NID2: variants seen among roughly 807,000 people sequenced by gnomAD.
The protein encoded by NID2 is nidogen-2.
Under a neutral mutation model 145.4 loss-of-function variants are expected in NID2, and 83 were observed. The observed-to-expected ratio is 0.57, with a 90% CI of 0.48 to 0.69. NID2 has a LOEUF of 0.69. Ranked by LOEUF, NID2 falls within the 30% of genes least tolerant of loss-of-function variation. The probability of loss-of-function intolerance (pLI) is 0.00; values close to 1 mark genes in which losing one functional copy is unlikely to be tolerated. For missense variants in NID2, 1,807 were observed against 1,765.7 expected (o/e 1.02, Z -0.42); for synonymous variants, 739 against 701.3 (o/e 1.05, Z -0.85).
At chr14:52,018,242 A>G (rs1891283407) in intron 14 of NID2, among the ~76,000 whole-genome samples, 1 of 152,248 alleles carries the variant, frequency 6.6e-6, no homozygotes, top group Non-Finnish European at 1.5e-5. Context: ...GGATCTTTGG[A>G]TAGCAAGCTG....
chr14:52,039,826 C>G (rs141357559), intron 8 of NID2, among the ~76,000 whole-genome samples: 238 of 152,352 alleles, frequency 1.6e-3, no homozygotes, highest in African/African-American at 5.3e-3. Flanking sequence ...AATACATTCT[C>G]AGATATTAAG....
intron 9 of NID2, among the ~76,000 whole-genome samples, chr14:52,031,406 T>C (rs947608511): frequency 3.3e-5 from 5 of 152,190 alleles, no homozygotes; most frequent in African/African-American, 1.2e-4. Context: ...TTCATCATTA[T>C]TTGAGGTTCT....
Position 52,069,000 on chromosome 14 carries a change from C to T in NID2, c.-6G>A, listed in dbSNP as rs896591888. ...GCCACCCGGTCCCCCTCCATGCTCG[C>T]TCGGCCGTGCGCTTACCCGCTGCAC... On this transcript the variant is annotated 5_prime_UTR_variant, in exon 1 of 22. Transcript: ENST00000216286. The T allele has an allele frequency of 4.4e-5, 71 of 1,603,626 alleles. No homozygotes were observed. The highest frequency in any genetic ancestry group is 6.0e-5 in the Non-Finnish European group (70 of 1,174,606).
At chr14:52,056,285 C>G (rs1233044488) in intron 3 of NID2, among the ~76,000 whole-genome samples, 1 of 151,924 alleles carries the variant, frequency 6.6e-6, no homozygotes, top group East Asian at 1.9e-4. Flanking sequence ...ATAAAATAAC[C>G]TTCTAATTAT....
intron 9 of NID2, 47 bp downstream of exon 9, chr14:52,038,700 C>CTTTT: frequency 1.4e-6 from 2 of 1,433,682 alleles, no homozygotes; most frequent in Non-Finnish European, 1.9e-6. Flanking sequence ...TCTAACTCTA[C>CTTTT]TTAAAAGGAT....
intron 5 of NID2, among the ~76,000 whole-genome samples, chr14:52,044,845 A>T (rs1463272242): frequency 4.6e-5 from 7 of 151,264 alleles, no homozygotes; most frequent in African/African-American, 1.7e-4. Flanking sequence ...CTCGGTCTCG[A>T]ACTCCTGGGC....
intron 5 of NID2, among the ~76,000 whole-genome samples, chr14:52,048,914 C>T (rs1346343016): frequency 6.6e-6 from 1 of 152,084 alleles, no homozygotes; most frequent in Non-Finnish European, 1.5e-5. Context: ...ACCAGGCTCC[C>T]AGCTGAGTGA....
At chr14:52,012,369 C>G (rs942822529) in intron 16 of NID2, among the ~76,000 whole-genome samples, 3 of 152,104 alleles carry the variant, frequency 2.0e-5, no homozygotes, top group Non-Finnish European at 4.4e-5. Context: ...GTTGGGAGGC[C>G]AAAGCAGGAG....
intron 2 of NID2, among the ~76,000 whole-genome samples, chr14:52,062,769 G>C (rs1369054088): frequency 6.6e-6 from 1 of 152,152 alleles, no homozygotes; most frequent in Non-Finnish European, 1.5e-5. Flanking sequence ...GTGAAGAGGA[G>C]AGTCTGACTT....
rs556592027 is a variant in NID2 at position 52,053,838 on chromosome 14, C to T, written c.1170G>A (p.Glu390=). Residue 390 remains glutamate (E), a synonymous_variant, in exon 5 of 22, where the codon GAG becomes GAA. Coordinates refer to ENST00000216286, the MANE Select transcript of NID2 (RefSeq NM_007361.4). ...CCTCTGGTGGAGCTGGGCTTCTGGT[C>T]TCTCTCTCATCCCAGGGCTCAACTT... ...KGQVEPWDER[E]TRSPAPPEVD... 5.0e-6 allele frequency: 8 copies of T among 1,614,158 alleles called. No individual in the cohort carries two copies. Among genetic ancestry groups the T allele is most frequent in the Non-Finnish European group, 6.8e-6 (8 of 1,180,024 alleles).
At chr14:52,040,903 A>G (rs1892258259) in intron 7 of NID2, 52 bp from the exon 8 acceptor site, 1 of 1,546,388 alleles carries the variant, frequency 6.5e-7, no homozygotes, top group African/African-American at 1.4e-5. Flanking sequence ...TTGCTTAAAC[A>G]GTTACCAGTA....
intron 9 of NID2, among the ~76,000 whole-genome samples, chr14:52,036,641 G>A (rs756025053): frequency 5.3e-5 from 8 of 152,240 alleles, no homozygotes; most frequent in African/African-American, 1.9e-4. Flanking sequence ...TGAGGGTTCC[G>A]AATTTTCCAT....
At chr14:52,031,238 T>G (rs1566756471) in intron 9 of NID2, among the ~76,000 whole-genome samples, 1 of 152,214 alleles carries the variant, frequency 6.6e-6, no homozygotes, top group Non-Finnish European at 1.5e-5. Context: ...CTTCTGAGTC[T>G]GCCATGTAAA....
intron 9 of NID2, among the ~76,000 whole-genome samples, chr14:52,030,568 G>GAAAGAAA (rs1555363723): frequency 0.023 from 850 of 37,708 alleles, 49 homozygotes; most frequent in Non-Finnish European, 0.034. Context: ...AAGAAAGAAA[G>GAAAGAAA]GAAGGAAGGG....
In NID2 at chr14:52,005,748, T is replaced by C. The variant is rs921288964; in HGVS notation, c.4106A>G (p.Tyr1369Cys). 6.2e-7 allele frequency: 1 copy of C among 1,612,798 alleles called. No homozygotes were observed. Among genetic ancestry groups the C allele is most frequent in the Non-Finnish European group, 8.5e-7 (1 of 1,178,796 alleles). Reference sequence around the variant, plus strand: ...AGCATACTTTTTACCTGTTGGGCAGTAGGGGTAGACTGCAGTTATCCCGTA... The same window carrying C: ...AGCATACTTTTTACCTGTTGGGCAGCAGGGGTAGACTGCAGTTATCCCGTA... ...HLYGITAVYPYCPTGRK is the reference protein window; with the variant it reads ...HLYGITAVYPCCPTGRK The change falls in exon 21 of 22, where the codon TAC (tyrosine) becomes TGC (cysteine). Residue 1369 changes from tyrosine to cysteine, a missense_variant. Transcript: ENST00000216286.
At chr14:52,020,238 C>A in intron 12 of NID2, 60 bp from the exon 13 acceptor site, 2 of 1,603,542 alleles carry the variant, frequency 1.2e-6, no homozygotes, top group Non-Finnish European at 1.7e-6. Flanking sequence ...CTCACACAAT[C>A]TGTGCGACTG....
At chr14:52,058,328 C>T (rs1329941116) in intron 3 of NID2, among the ~76,000 whole-genome samples, 2 of 152,218 alleles carry the variant, frequency 1.3e-5, no homozygotes, top group African/African-American at 2.4e-5. Flanking sequence ...GGACCATTAA[C>T]ACTTGTTATC....
chr14:52,036,166 G>A (rs374777182), intron 9 of NID2, among the ~76,000 whole-genome samples: 3 of 152,072 alleles, frequency 2.0e-5, no homozygotes, highest in South Asian at 2.1e-4. Context: ...AGCTATTAAC[G>A]CCCTATGCTC....
At chr14:52,028,139 G>A (rs1411076729) in intron 11 of NID2, among the ~76,000 whole-genome samples, 2 of 152,146 alleles carry the variant, frequency 1.3e-5, no homozygotes, top group East Asian at 3.9e-4. Context: ...TCATCATCTT[G>A]TTACATGACT....
Sources: allele counts gnomAD v4.1 joint callset (sites outside exome capture counted in the v4.1 genomes callset), GRCh38; gene constraint gnomAD v4.1.1; transcripts MANE v1.5; gene names NCBI Gene and HGNC (gene_info 2026-07-23, HGNC 2026-07-21).